The following THRAP3 variants were observed in gnomAD, a reference collection of about 807,000 sequenced individuals.
THRAP3 encodes thyroid hormone receptor-associated protein 3.
In THRAP3, 16 loss-of-function variants were observed where a neutral mutation model predicts 101.0. That is an observed-to-expected ratio of 0.16 (90% CI 0.11 to 0.24). THRAP3 has a LOEUF of 0.24. Ranked by LOEUF, THRAP3 falls within the 10% of genes least tolerant of loss-of-function variation. The pLI, the probability that THRAP3 is intolerant of heterozygous loss-of-function variation, is 1.00. For missense variants in THRAP3, 989 were observed against 1,202.7 expected (o/e 0.82, Z 2.63); for synonymous variants, 407 against 422.6 (o/e 0.96, Z 0.45).
intron 1 of THRAP3, among the ~76,000 whole-genome samples, chr1:36,231,308 T>C (rs555873880): frequency 2.6e-5 from 4 of 152,316 alleles, no homozygotes; most frequent in Non-Finnish European, 4.4e-5. Context: ...AAACAGACTT[T>C]TGGAGAGCAT....
chr1:36,247,910 T>C (rs1645250922), intron 1 of THRAP3, among the ~76,000 whole-genome samples: 1 of 148,522 alleles, frequency 6.7e-6, no homozygotes, highest in South Asian at 2.2e-4. Context: ...AGTCTTGCTC[T>C]GTCACCCCGC....
intron 2 of THRAP3, among the ~76,000 whole-genome samples, chr1:36,270,225 C>CA (rs1158981977): frequency 6.6e-6 from 1 of 152,070 alleles, no homozygotes; most frequent in East Asian, 1.9e-4. Flanking sequence ...CTTGTCTCTA[C>CA]AAAAAATACG....
At chr1:36,275,289 CAAAA>C (rs57081471) in intron 2 of THRAP3, among the ~76,000 whole-genome samples, 3 of 101,428 alleles carry the variant, frequency 3.0e-5, no homozygotes, top group Admixed American at 9.9e-5. Context: ...GAGTCTGTCT[CAAAA>C]AAAAAAAAAA....
chr1:36,288,629 T>C, intron 4 of THRAP3: 1 of 985,478 alleles, frequency 1.0e-6, no homozygotes, highest in South Asian at 4.7e-5. Flanking sequence ...AAATGTGAGT[T>C]GTATAAAAGC....
the THRAP3 span, among the ~76,000 whole-genome samples, chr1:36,214,390 G>A: frequency 1.4e-3 from 207 of 152,202 alleles, no homozygotes; most frequent in African/African-American, 4.3e-3. Flanking sequence ...TCTCCTAAAT[G>A]TCCTCTGTTT....
Position 36,301,063 on chromosome 1 carries a change from T to TCTC in THRAP3, c.2481_2482insCTC (p.Gly827_Gly828insLeu). 6.2e-7 allele frequency: 1 copy of TCTC among 1,614,114 alleles called. No individual in the cohort carries two copies. Among genetic ancestry groups the TCTC allele is most frequent in the Non-Finnish European group, 8.5e-7 (1 of 1,179,998 alleles). On this transcript the variant is annotated inframe_insertion, in exon 10 of 12. Coordinates refer to ENST00000354618, the MANE Select transcript of THRAP3 (RefSeq NM_005119.4). ...TTGTGGGTCCAAGTGAAAGAGGAGG[T>TCTC]GGCAGAGCTCGAGGAACCTTTGTAA... is the stretch of plus-strand genomic sequence containing the variant.
At chr1:36,220,868 T>C (rs1644899128), upstream of THRAP3, among the ~76,000 whole-genome samples, 1 of 147,800 alleles carries the variant, frequency 6.8e-6, no homozygotes. Context: ...GACAGGAGGA[T>C]CGCTTGAACC....
At chr1:36,266,006 T>C (rs1257574606) in intron 2 of THRAP3, among the ~76,000 whole-genome samples, 8 of 151,670 alleles carry the variant, frequency 5.3e-5, no homozygotes, top group African/African-American at 1.9e-4. Context: ...ATACAAAGAT[T>C]AGCCAGGCAT....
Position 36,289,050 on chromosome 1 carries a change from T to C in THRAP3, c.1041-10T>C. Reference sequence around the variant, plus strand: ...CCTCTTGTGTCTCTCTCTTGTGTTTTTATAAATAGGTATCTAGAAGAGCAG... The same window carrying C: ...CCTCTTGTGTCTCTCTCTTGTGTTTCTATAAATAGGTATCTAGAAGAGCAG... On this transcript the variant is annotated splice_polypyrimidine_tract_variant and intron_variant, in intron 4 of 11. Transcript: ENST00000354618. 1.3e-6 allele frequency: 2 copies of C among 1,554,686 alleles called. No homozygotes were observed. The highest frequency in any genetic ancestry group is 1.7e-6 in the Non-Finnish European group (2 of 1,154,682).
At chr1:36,269,517 C>T (rs1248985071) in intron 2 of THRAP3, among the ~76,000 whole-genome samples, 1 of 152,088 alleles carries the variant, frequency 6.6e-6, no homozygotes, top group Non-Finnish European at 1.5e-5. Context: ...TTGGAGTTTA[C>T]TTTAGATGTG....
chr1:36,287,206 T>C lies in THRAP3; in HGVS notation c.976T>C (p.Ser326Pro). 6.2e-7 allele frequency: 1 copy of C among 1,614,080 alleles called. No individual in the cohort carries two copies. Residue 326 changes from serine to proline, a missense_variant, in exon 4 of 12, where the codon TCC becomes CCC. By Grantham distance (74) the Ser-to-Pro change is moderately conservative. Coordinates refer to ENST00000354618, the MANE Select transcript of THRAP3 (RefSeq NM_005119.4). ...GGGTAAGAGTCCACCATCCACTGGC[T>C]CCACATATGGCTCATCTCAGAAGGA... ...PVGKSPPSTGSTYGSSQKEES... is the reference protein window; with the variant it reads ...PVGKSPPSTGPTYGSSQKEES...
chr1:36,296,644 A>G lies in THRAP3; in HGVS notation c.2177A>G (p.Lys726Arg). The change falls in exon 9 of 12, where the codon AAA becomes AGA. Residue 726 changes from lysine (K) to arginine (R), a missense_variant. Physicochemically the swap from Lys to Arg is conservative, Grantham distance 26. Coordinates refer to ENST00000354618, the MANE Select transcript of THRAP3 (RefSeq NM_005119.4). ...DLRLDIERRK[K>R]HKERDLKRGK... ...CGCCTTGATATTGAACGTCGTAAAAAACATAAGGAGAGAGATCTTAAACGA... is the reference window on the plus strand; with the variant it reads ...CGCCTTGATATTGAACGTCGTAAAAGACATAAGGAGAGAGATCTTAAACGA... The G allele has an allele frequency of 6.2e-7, 1 of 1,602,552 alleles. No homozygotes were observed. The highest frequency in any genetic ancestry group is 1.3e-5 in the African/African-American group (1 of 74,186).
intron 2 of THRAP3, among the ~76,000 whole-genome samples, chr1:36,275,867 A>G (rs149537525): frequency 2.2e-3 from 332 of 151,914 alleles, no homozygotes; most frequent in Middle Eastern, 0.014. Flanking sequence ...CAAAATACAA[A>G]TATTAGCCAG....
chr1:36,292,575 T>G, intron 6 of THRAP3, 23 bp from the exon 7 acceptor site: 1 of 1,591,170 alleles, frequency 6.3e-7, no homozygotes, highest in Non-Finnish European at 8.6e-7. Context: ...TGGCCCATAA[T>G]GTGTTTCTTT....
chr1:36,232,879 CTT>C (rs11448026), intron 1 of THRAP3, among the ~76,000 whole-genome samples: 5 of 139,106 alleles, frequency 3.6e-5, no homozygotes, highest in Admixed American at 7.3e-5. Flanking sequence ...CGAACTGTAT[CTT>C]TTTTTTTTTT....
chr1:36,291,383 C>A lies in THRAP3; in HGVS notation c.1755C>A (p.Gly585=), dbSNP rs562210110. ...SFDEDLARPS[G]LLAQERKLCR... ...CATATTTCTTTTTCAGACCCAGTGGCTTATTGGCTCAGGAACGCAAGCTTT... is the reference window on the plus strand; with the variant it reads ...CATATTTCTTTTTCAGACCCAGTGGATTATTGGCTCAGGAACGCAAGCTTT... Residue 585 remains glycine, a synonymous_variant, in exon 6 of 12, where the codon GGC becomes GGA. Transcript: ENST00000354618. 2.9e-5 allele frequency: 47 copies of A among 1,613,612 alleles called. No homozygotes were observed. In the South Asian group the frequency reaches 4.5e-4, roughly 15 times the overall value.
At chr1:36,233,126 C>T (rs1645047943) in intron 1 of THRAP3, among the ~76,000 whole-genome samples, 1 of 151,468 alleles carries the variant, frequency 6.6e-6, no homozygotes. Context: ...CCTCGGCCTC[C>T]CAAAGTGCTG....
the THRAP3 span, among the ~76,000 whole-genome samples, chr1:36,212,483 C>T: frequency 7.6e-5 from 11 of 145,238 alleles, no homozygotes; most frequent in South Asian, 1.3e-3. Context: ...TGCAGTGGCG[C>T]GATCTCGGCT....
intron 9 of THRAP3, among the ~76,000 whole-genome samples, chr1:36,299,864 G>C (rs1310481547): frequency 1.3e-5 from 2 of 152,156 alleles, no homozygotes; most frequent in African/African-American, 2.4e-5. Context: ...AGTGGGGTCA[G>C]AGTTGAAGTT....
Sources: allele counts gnomAD v4.1 joint callset (sites outside exome capture counted in the v4.1 genomes callset), GRCh38; gene constraint gnomAD v4.1.1; transcripts MANE v1.5; gene names NCBI Gene and HGNC (gene_info 2026-07-23, HGNC 2026-07-21).